The following SPATA7 variants were observed in gnomAD, a reference collection of about 807,000 sequenced individuals.
SPATA7 encodes spermatogenesis associated 7.
SPATA7 carries 43 observed loss-of-function variants against 51.8 expected under a neutral mutation model. That is an observed-to-expected ratio of 0.83 (90% CI 0.65 to 1.07). The LOEUF (loss-of-function observed/expected upper bound fraction) is 1.07. Ranked by LOEUF, SPATA7 falls within the 50% of genes least tolerant of loss-of-function variation. The pLI is 0.00. For synonymous variants in SPATA7, 230 were observed against 252.8 expected (o/e 0.91, Z 0.86); for missense variants, 683 against 701.3 (o/e 0.97, Z 0.30).
chr14:88,435,586 C>A (rs1186335586), intron 10 of SPATA7, among the ~76,000 whole-genome samples: 5 of 152,152 alleles, frequency 3.3e-5, no homozygotes, highest in African/African-American at 1.2e-4. Flanking sequence ...CTCTACTACC[C>A]TTCCCAGCCT....
At chr14:88,411,114 G>A (rs1036417347) in intron 4 of SPATA7, among the ~76,000 whole-genome samples, 9 of 152,190 alleles carry the variant, frequency 5.9e-5, no homozygotes, top group Admixed American at 5.2e-4. Context: ...CAGTGGCCTT[G>A]TGGCGCTGTG....
intron 4 of SPATA7, 180 bp from the exon 5 acceptor site, chr14:88,416,531 A>T: frequency 1.8e-6 from 1 of 550,438 alleles, no homozygotes. Context: ...CTAGAGGCAC[A>T]TGTGAAATAA....
intron 4 of SPATA7, chr14:88,410,680 T>C: frequency 6.5e-6 from 1 of 153,424 alleles, no homozygotes; most frequent in Non-Finnish European, 1.5e-5. Context: ...CGTAGTTTGC[T>C]GGAGGTCCAC....
chr14:88,456,533 T>C (rs199866192), downstream of SPATA7, among the ~76,000 whole-genome samples: 219 of 152,262 alleles, frequency 1.4e-3, 4 homozygotes, highest in East Asian at 0.038. Context: ...TTTTGAGAAG[T>C]GTCTGTTCAT....
At chr14:88,439,165 G>A (rs1441441284), downstream of SPATA7, among the ~76,000 whole-genome samples, 4 of 152,192 alleles carry the variant, frequency 2.6e-5, no homozygotes, top group Non-Finnish European at 5.9e-5. Flanking sequence ...TTATGATCTG[G>A]TGTGAGTCTT....
intron 4 of SPATA7, among the ~76,000 whole-genome samples, chr14:88,461,351 C>T (rs2077316534): frequency 6.6e-6 from 1 of 152,186 alleles, no homozygotes; most frequent in Non-Finnish European, 1.5e-5. Context: ...CTGTGGTGGG[C>T]TCCACCCAGT....
At chr14:88,419,294 A>G (rs2076571225) in intron 5 of SPATA7, among the ~76,000 whole-genome samples, 1 of 152,086 alleles carries the variant, frequency 6.6e-6, no homozygotes, top group African/African-American at 2.4e-5. Flanking sequence ...TTCTTGGTGA[A>G]CTGAACCTGT....
At chr14:88,431,992 G>A (rs1037299196) in intron 9 of SPATA7, among the ~76,000 whole-genome samples, 6 of 151,936 alleles carry the variant, frequency 3.9e-5, no homozygotes, top group Non-Finnish European at 5.9e-5. Context: ...TATCAATCAC[G>A]TCATTTTTAT....
At chr14:88,411,573 GCA>G (rs57148233) in intron 4 of SPATA7, among the ~76,000 whole-genome samples, 5,356 of 152,184 alleles carry the variant, frequency 0.035, 308 homozygotes, top group African/African-American at 0.12. Context: ...GGGCCAGAGT[GCA>G]CACCGTTCCT....
At chr14:88,401,147 C>T (rs1228116424) in intron 4 of SPATA7, among the ~76,000 whole-genome samples, 3 of 152,170 alleles carry the variant, frequency 2.0e-5, no homozygotes, top group African/African-American at 7.2e-5. Context: ...GAGTCAAACA[C>T]CATGACCAAG....
chr14:88,394,790 C>G lies in SPATA7; in HGVS notation c.190+1302C>G, dbSNP rs10130200. On this transcript the variant is annotated intron_variant, in intron 3 of 11. Transcript: ENST00000393545. ...CATTACTTCTGCACCCTTACCAACCCTTGGCGTTGACAGTCCTTTTTTAAC... is the reference window on the plus strand; with the variant it reads ...CATTACTTCTGCACCCTTACCAACCGTTGGCGTTGACAGTCCTTTTTTAAC... Among the ~76,000 whole-genome samples the G allele has an allele frequency of 7.6e-3, 1,152 of 152,214 alleles. 14 individuals are homozygous for G. The highest frequency in any genetic ancestry group is 0.026 in the African/African-American group (1,099 of 41,532).
chr14:88,402,096 G>A (rs2076077756), intron 4 of SPATA7, among the ~76,000 whole-genome samples: 2 of 152,032 alleles, frequency 1.3e-5, no homozygotes, highest in Admixed American at 6.6e-5. Flanking sequence ...AAACAAAAAG[G>A]TTGAAAACTT....
rs1011569977 is a variant in SPATA7, at chr14:88,437,612, A to G, written c.1215+15A>G. ...ATTTGGAGGAGGTTTGTCTTTCCTT[A>G]TAACTTCATTAGAAAAATTATAATG... On this transcript the variant is annotated intron_variant, in intron 11 of 11. Coordinates refer to ENST00000393545, the MANE Select transcript of SPATA7 (RefSeq NM_018418.5). The G allele has an allele frequency of 1.3e-6, 2 of 1,581,028 alleles. No homozygotes were observed. Among genetic ancestry groups the G allele is most frequent in the Non-Finnish European group, 1.7e-6 (2 of 1,152,868 alleles).
rs777789357 is a variant in SPATA7, at chr14:88,426,412, T to C, written c.553T>C (p.Tyr185His). The change falls in exon 6 of 12, where the codon TAT becomes CAT. Residue 185 changes from tyrosine (Y) to histidine (H), a missense_variant. Transcript: ENST00000393545. Reference protein sequence around the residue: ...NSSSSPSSVDYAASGPRKLSS... With the variant: ...NSSSSPSSVDHAASGPRKLSS... ...CAGTTCCTCCCCGTCCAGTGTGGAT[T>C]ATGCAGCCTCCGGGCCCCGGAAACT... 2.0e-5 allele frequency: 33 copies of C among 1,614,074 alleles called. No homozygotes were observed. Among genetic ancestry groups the C allele is most frequent in the Middle Eastern group, 1.6e-4 (1 of 6,084 alleles).
intron 1 of SPATA7, among the ~76,000 whole-genome samples, chr14:88,390,835 G>A (rs1264154204): frequency 6.6e-6 from 1 of 152,144 alleles, no homozygotes; most frequent in African/African-American, 2.4e-5. Flanking sequence ...TAGAAGCTAT[G>A]CTCATTTCAT....
rs779385440 is a variant in SPATA7, at chr14:88,469,862, GAT to G, written c.271_272del (p.Asp91ValfsTer28). On this transcript the variant is annotated frameshift_variant, in exon 5 of 5. Transcript: ENST00000556406. LOFTEE classifies it high-confidence loss of function. This position sits in a 1 kb window ranked among gnomAD's most constrained non-coding sequence, Gnocchi z 4.3. ...TTCTCCACAGGTCAGGATTCCAGAT[GAT>G]TAACATTAACTGTTCTTCAGAGGCT... The G allele has an allele frequency of 1.2e-6, 2 of 1,609,728 alleles. No individual in the cohort carries two copies. The highest frequency in any genetic ancestry group is 2.7e-5 in the African/African-American group (2 of 74,848).
chr14:88,444,782 A>G (rs886966361), intron 3 of SPATA7, among the ~76,000 whole-genome samples: 1 of 152,144 alleles, frequency 6.6e-6, no homozygotes, highest in African/African-American at 2.4e-5. Context: ...TTTGTCAAAG[A>G]TCAGATAGTT....
chr14:88,436,680 T>A (rs1239748064), intron 10 of SPATA7, among the ~76,000 whole-genome samples: 22 of 152,160 alleles, frequency 1.4e-4, no homozygotes, highest in Admixed American at 1.4e-3. Flanking sequence ...TTGAAGAGAC[T>A]GCCTTTTCCC....
intron 1 of SPATA7, among the ~76,000 whole-genome samples, chr14:88,387,302 A>G (rs1458744066): frequency 6.6e-6 from 1 of 152,202 alleles, no homozygotes; most frequent in Non-Finnish European, 1.5e-5. Flanking sequence ...GGTTCATGCC[A>G]AATGTAAAAA....
Sources: allele counts gnomAD v4.1 joint callset (sites outside exome capture counted in the v4.1 genomes callset), GRCh38; gene constraint gnomAD v4.1.1; non-coding constraint Gnocchi (gnomAD v3.1); transcripts MANE v1.5; gene names NCBI Gene and HGNC (gene_info 2026-07-23, HGNC 2026-07-21).